Variants in OSBPL9 observed in about 807,000 individuals in gnomAD.
OSBPL9 encodes oxysterol-binding protein-related protein 9.
Under a neutral mutation model 106.6 loss-of-function variants are expected in OSBPL9, and 40 were observed. The ratio of observed to expected loss-of-function variants is 0.38; its 90% confidence interval spans 0.29 to 0.49. The LOEUF is 0.49. Among genes scored for constraint, OSBPL9 ranks in the 20% least tolerant of loss-of-function variants. The pLI is 0.97. For synonymous variants in OSBPL9, 269 were observed against 295.4 expected (o/e 0.91, Z 0.92); for missense variants, 609 against 887.2 (o/e 0.69, Z 3.98).
chr1:51,533,848 T>TC, the OSBPL9 span, among the ~76,000 whole-genome samples: 44 of 142,032 alleles, frequency 3.1e-4, 1 homozygote, highest in East Asian at 1.0e-3. Flanking sequence ...TTTCTTTCTT[T>TC]TTTTTTTTTT....
At chr1:51,556,038 G>A in the OSBPL9 span, among the ~76,000 whole-genome samples, 3 of 152,128 alleles carry the variant, frequency 2.0e-5, no homozygotes, top group African/African-American at 7.2e-5. Context: ...ACAAGTCATG[G>A]AGTCAGACCA....
At chr1:51,756,464 T>G in intron 9 of OSBPL9, 106 bp downstream of exon 9, 1 of 1,054,548 alleles carries the variant, frequency 9.5e-7, no homozygotes, top group South Asian at 1.4e-5. Context: ...TGCCAACTAC[T>G]CACTGCTTTT....
chr1:51,519,209 G>C, the OSBPL9 span: 2 of 1,414,910 alleles, frequency 1.4e-6, no homozygotes, highest in Non-Finnish European at 1.9e-6. Context: ...CTGTGTCAGA[G>C]AGAGCTGGGC....
chr1:51,722,281 A>G (rs114093970), intron 4 of OSBPL9, among the ~76,000 whole-genome samples: 230 of 152,350 alleles, frequency 1.5e-3, no homozygotes, highest in Non-Finnish European at 2.7e-3. Context: ...AAATTTGGCA[A>G]CTCAAGCATT....
rs569312229 is a variant in OSBPL9 at position 51,743,826 on chromosome 1, A to G, written c.319-1710A>G. Among the ~76,000 whole-genome samples, 5 of 152,324 alleles carry G rather than the reference A, an allele frequency of 3.3e-5. No homozygotes were observed. In the South Asian group the frequency reaches 8.3e-4, roughly 25 times the overall value. On this transcript the variant is annotated intron_variant, in intron 4 of 23. Coordinates refer to ENST00000428468, the MANE Select transcript of OSBPL9 (RefSeq NM_024586.6). ...CTCTAATATCTATGAAATATGATGT[A>G]CTTATCCATTTCTATGTCTTTTGTC... is the stretch of plus-strand genomic sequence containing the variant.
In OSBPL9 at chr1:51,584,060, C is replaced by T. The variant is rs559812232; in HGVS notation, c.-423+6804C>T. ...TTTTAGAGACAGGGTCTTGCTATATCACTCAGGCTGGTCTTGAACTCCTAG... is the reference window on the plus strand; with the variant it reads ...TTTTAGAGACAGGGTCTTGCTATATTACTCAGGCTGGTCTTGAACTCCTAG... On this transcript the variant is annotated intron_variant, in intron 1 of 25. Coordinates refer to the OSBPL9 transcript ENST00000371714. Among the ~76,000 whole-genome samples the T allele has an allele frequency of 6.6e-5, 10 of 152,162 alleles. No homozygotes were observed. In the East Asian group the frequency reaches 1.7e-3, roughly 26 times the overall value.
intron 4 of OSBPL9, among the ~76,000 whole-genome samples, chr1:51,740,807 C>G (rs757842353): frequency 2.0e-5 from 3 of 152,046 alleles, no homozygotes; most frequent in African/African-American, 7.2e-5. Context: ...TCTTAATTTC[C>G]GGATTCTGGA....
chr1:51,667,466 CAT>C (rs1178018380), intron 2 of OSBPL9, among the ~76,000 whole-genome samples: 2 of 152,146 alleles, frequency 1.3e-5, no homozygotes, highest in African/African-American at 2.4e-5. Flanking sequence ...AATCATGTAA[CAT>C]GTGATCCTTA....
At chr1:51,609,024 ACTGT>A (rs1359050820) in intron 2 of OSBPL9, among the ~76,000 whole-genome samples, 3 of 151,596 alleles carry the variant, frequency 2.0e-5, no homozygotes, top group Admixed American at 6.6e-5. Flanking sequence ...CTTAAAGTTC[ACTGT>A]CTAATTCTAT....
rs776013856 is a variant in OSBPL9 at position 51,772,125 on chromosome 1, C to T, written c.994C>T (p.Arg332Cys). The T allele has an allele frequency of 6.8e-5, 109 of 1,613,898 alleles. No individual in the cohort carries two copies. The Admixed American group carries it at 1.4e-3, about 21-fold the overall frequency. The change falls in exon 13 of 24, where the codon CGC (arginine) becomes TGC (cysteine). Residue 332 changes from arginine to cysteine, a missense_variant. Coordinates refer to ENST00000428468, the MANE Select transcript of OSBPL9 (RefSeq NM_024586.6). ...THSSSGNSLKRPDTTESLNSS... is the reference protein window; with the variant it reads ...THSSSGNSLKCPDTTESLNSS... ...CAGCAGCTCGGGAAATAGTCTAAAA[C>T]GCCCAGATACCACAGAATCACTTAA...
chr1:51,519,539 G>A, the OSBPL9 span, among the ~76,000 whole-genome samples: 1 of 152,138 alleles, frequency 6.6e-6, no homozygotes, highest in African/African-American at 2.4e-5. Flanking sequence ...ACGGGCTGCG[G>A]AGGCGACTGC....
chr1:51,669,408 T>C, intron 2 of OSBPL9, 26 bp from the exon 3 acceptor site: 1 of 1,604,728 alleles, frequency 6.2e-7, no homozygotes, highest in Non-Finnish European at 8.5e-7. Flanking sequence ...GTTTGCCTTA[T>C]TGGGATTTTG....
At chr1:51,534,717 C>T in the OSBPL9 span, among the ~76,000 whole-genome samples, 5 of 152,158 alleles carry the variant, frequency 3.3e-5, no homozygotes, top group South Asian at 2.1e-4. Context: ...TTGCAAGTGA[C>T]GTTTATTATG....
At chr1:51,664,603 T>C (rs1430732914) in intron 2 of OSBPL9, among the ~76,000 whole-genome samples, 2 of 152,030 alleles carry the variant, frequency 1.3e-5, no homozygotes, top group East Asian at 1.9e-4. Context: ...GAGGCACAAA[T>C]ATCACTTGAG....
chr1:51,724,509 C>T (rs1191277996), intron 4 of OSBPL9, among the ~76,000 whole-genome samples: 2 of 152,070 alleles, frequency 1.3e-5, no homozygotes, highest in African/African-American at 2.4e-5. Flanking sequence ...TGGTCTCGAA[C>T]TCCTGACCTC....
intron 1 of OSBPL9, among the ~76,000 whole-genome samples, chr1:51,646,394 T>C (rs1421340107): frequency 3.3e-5 from 5 of 152,206 alleles, no homozygotes; most frequent in Non-Finnish European, 7.3e-5. Flanking sequence ...GGAATTGTTT[T>C]CTTAGTTATA....
At chr1:51,602,015 G>GTTTTTT (rs1266396456) in intron 2 of OSBPL9, among the ~76,000 whole-genome samples, 3 of 16,318 alleles carry the variant, frequency 1.8e-4, no homozygotes, top group African/African-American at 6.3e-4. Flanking sequence ...CATTCTTGGG[G>GTTTTTT]TTCTTTTTTT....
the OSBPL9 span, among the ~76,000 whole-genome samples, chr1:51,539,613 C>G: frequency 6.6e-6 from 1 of 152,162 alleles, no homozygotes; most frequent in African/African-American, 2.4e-5. Context: ...TTACATGTAT[C>G]TAATCTATAC....
At chr1:51,680,591 G>A (rs1254474571) in intron 3 of OSBPL9, among the ~76,000 whole-genome samples, 1 of 151,820 alleles carries the variant, frequency 6.6e-6, no homozygotes, top group Non-Finnish European at 1.5e-5. Context: ...AACTCGGGGG[G>A]CGGAGGTTGC....
Sources: allele counts gnomAD v4.1 joint callset (sites outside exome capture counted in the v4.1 genomes callset), GRCh38; gene constraint gnomAD v4.1.1; transcripts MANE v1.5; gene names NCBI Gene and HGNC (gene_info 2026-07-23, HGNC 2026-07-21).